Variants in FAM20C observed in about 807,000 individuals in gnomAD.
FAM20C encodes extracellular serine/threonine protein kinase FAM20C.
A neutral mutation model predicts 51.5 loss-of-function variants in FAM20C; 40 were observed. The ratio of observed to expected loss-of-function variants is 0.78; its 90% CI spans 0.60 to 1.01. FAM20C has a LOEUF of 1.01. FAM20C is among the 50% of genes least tolerant of loss of function. The pLI is 0.00. For synonymous variants in FAM20C, 406 were observed against 380.6 expected (o/e 1.07, Z -0.78); for missense variants, 861 against 844.7 (o/e 1.02, Z -0.24).
At chr7:247,363 GC>G (rs1788209510) in intron 4 of FAM20C, among the ~76,000 whole-genome samples, 1 of 152,120 alleles carries the variant, frequency 6.6e-6, no homozygotes, top group African/African-American at 2.4e-5. Context: ...GGGAGGAGGC[GC>G]CACCCTCAGC....
intron 9 of FAM20C, among the ~76,000 whole-genome samples, chr7:259,071 C>T (rs1039895394): frequency 1.3e-5 from 2 of 152,240 alleles, no homozygotes; most frequent in Non-Finnish European, 2.9e-5. Flanking sequence ...GGGGTTCAGA[C>T]CCCCTTTCCC....
At chr7:202,777 G>C (rs1195005823) in intron 2 of FAM20C, among the ~76,000 whole-genome samples, 2 of 151,590 alleles carry the variant, frequency 1.3e-5, no homozygotes, top group African/African-American at 2.4e-5. Context: ...TGCATAGAGA[G>C]AATGGGTGGC....
At chr7:246,354 C>T in intron 3 of FAM20C, 61 bp from the exon 4 acceptor site, 1 of 1,409,012 alleles carries the variant, frequency 7.1e-7, no homozygotes, top group South Asian at 1.2e-5. Flanking sequence ...TCCCGCCTGC[C>T]TCCGGCCCCT....
At chr7:232,625 C>G (rs1223750584) in intron 3 of FAM20C, among the ~76,000 whole-genome samples, 1 of 152,240 alleles carries the variant, frequency 6.6e-6, no homozygotes, top group East Asian at 1.9e-4. Flanking sequence ...CAAACGTTTT[C>G]TATTTTCCCA....
At position 193,354 on chromosome 7, in the gene FAM20C, C is replaced by T. The variant is rs1785666958; in HGVS notation, c.155C>T (p.Ala52Val). 7.9e-7 allele frequency: 1 copy of T among 1,269,692 alleles called. No individual in the cohort carries two copies. Among genetic ancestry groups the T allele is most frequent in the Non-Finnish European group, 9.9e-7 (1 of 1,008,896 alleles). The allele number at this position is 1,269,692 out of a possible 1,614,324, so 78.7% of individuals were successfully genotyped here. A position where few individuals can be genotyped will look rare whatever the true frequency, so the allele number is the denominator to read the frequency against. ...CCCGGCTGTTCGTGCGCGCAGCCCG[C>T]CGCCGAGGTGGCCGCGCCCGGCTGG... Reference protein sequence around the residue: ...GEPGCSCAQPAAEVAAPGWAQ... With the variant: ...GEPGCSCAQPVAEVAAPGWAQ... The change falls in exon 1 of 10, where the codon GCC becomes GTC. Residue 52 changes from alanine to valine, a missense_variant. Transcript: ENST00000313766.
chr7:206,459 T>C (rs1272796213), intron 2 of FAM20C, among the ~76,000 whole-genome samples: 1 of 152,232 alleles, frequency 6.6e-6, no homozygotes, highest in Admixed American at 6.5e-5. Flanking sequence ...TCCCGTGCAC[T>C]GTGATGCGTT....
intron 3 of FAM20C, among the ~76,000 whole-genome samples, chr7:216,678 TGTGA>T (rs1214466993): frequency 2.9e-4 from 32 of 110,348 alleles, no homozygotes; most frequent in East Asian, 7.2e-4. Context: ...ACAGAGTGTG[TGTGA>T]GAGTGTGTGT....
At chr7:257,476 C>G (rs955722543) in intron 8 of FAM20C, 1 of 210,754 alleles carries the variant, frequency 4.7e-6, no homozygotes, top group East Asian at 1.3e-4. Flanking sequence ...TGGCCTGCCA[C>G]GGGGGGTCTT....
chr7:219,520 C>T (rs1287781797), intron 3 of FAM20C, among the ~76,000 whole-genome samples: 2 of 152,100 alleles, frequency 1.3e-5, no homozygotes, highest in East Asian at 1.9e-4. Context: ...GGCTTGGCTT[C>T]GAATCCGGTA....
At chr7:253,914 C>T (rs955636464) in intron 5 of FAM20C, among the ~76,000 whole-genome samples, 3 of 152,244 alleles carry the variant, frequency 2.0e-5, no homozygotes, top group Admixed American at 6.5e-5. Flanking sequence ...AGATTTTCCT[C>T]CTGAAATGGA....
intron 3 of FAM20C, among the ~76,000 whole-genome samples, chr7:230,297 T>C (rs989330230): frequency 5.0e-5 from 7 of 139,910 alleles, no homozygotes; most frequent in African/African-American, 1.6e-4. Context: ...GCAAGAAGGA[T>C]CCTCCCTAGA....
chr7:193,826 C>T (rs764540903), intron 1 of FAM20C, 22 bp downstream of exon 1: 1 of 1,549,400 alleles, frequency 6.5e-7, no homozygotes, highest in South Asian at 1.2e-5. Context: ...CTGGCAGGTG[C>T]CCACCCCCAA....
At chr7:199,135 G>T (rs1324015672) in intron 2 of FAM20C, among the ~76,000 whole-genome samples, 2 of 152,240 alleles carry the variant, frequency 1.3e-5, no homozygotes, top group Non-Finnish European at 2.9e-5. Flanking sequence ...TGACCTGCTT[G>T]CTGACCCCGC....
In FAM20C at chr7:246,437, C is replaced by A; in HGVS notation, c.886C>A (p.Pro296Thr). The A allele has an allele frequency of 6.8e-7, 1 of 1,468,974 alleles. No homozygotes were observed. 91.0% of individuals were successfully genotyped at this position (1,468,974 alleles called of 1,614,324 possible). ...CAGACAAACGAGGGAGCAGGAGACACCCCCTGACTTTTTTTATTTCTCTGA... is the reference window on the plus strand; with the variant it reads ...CAGACAAACGAGGGAGCAGGAGACAACCCCTGACTTTTTTTATTTCTCTGA... ...PMKQTREQET[P>T]PDFFYFSDYE... The change falls in exon 4 of 10, where the codon CCC becomes ACC. Residue 296 changes from proline (P) to threonine (T), a missense_variant. By Grantham distance (38) the Pro-to-Thr change is conservative. Coordinates refer to ENST00000313766, the MANE Select transcript of FAM20C (RefSeq NM_020223.4).
At chr7:207,256 G>A (rs34048751) in intron 2 of FAM20C, among the ~76,000 whole-genome samples, 18 of 32,208 alleles carry the variant, frequency 5.6e-4, no homozygotes, top group East Asian at 4.1e-3. Flanking sequence ...CCGCACACGT[G>A]TCCACTGTGA....
chr7:208,640 G>A (rs561216347), intron 2 of FAM20C, among the ~76,000 whole-genome samples: 28 of 151,854 alleles, frequency 1.8e-4, no homozygotes, highest in African/African-American at 5.1e-4. Flanking sequence ...ACACCTGGCC[G>A]TCCCTTCTAG....
Position 205,034 on chromosome 7 carries a change from G to A in FAM20C, c.785-3864G>A, listed in dbSNP as rs150123584. 5.9e-5 allele frequency among the ~76,000 whole-genome samples: 9 copies of A among 152,374 alleles called. No individual in the cohort carries two copies. The East Asian group carries it at 1.2e-3, about 20-fold the overall frequency. On this transcript the variant is annotated intron_variant, in intron 2 of 9. Coordinates refer to ENST00000313766, the MANE Select transcript of FAM20C (RefSeq NM_020223.4). The stretch of plus-strand genomic sequence containing the variant: ...TCCTAAGGGTGGTCCTGGATGAGGC[G>A]TGTCACCCCCATTCTGCAGGAGCAG...
At chr7:251,400 T>A (rs979369690) in intron 5 of FAM20C, among the ~76,000 whole-genome samples, 1 of 152,002 alleles carries the variant, frequency 6.6e-6, no homozygotes, top group African/African-American at 2.4e-5. Flanking sequence ...CATCTGTGAT[T>A]CCAGCAACTC....
intron 3 of FAM20C, among the ~76,000 whole-genome samples, chr7:226,086 G>A (rs1017066587): frequency 1.3e-5 from 2 of 152,196 alleles, no homozygotes; most frequent in African/African-American, 4.8e-5. Flanking sequence ...GATCTTGGGG[G>A]TCAGACACCA....
Sources: allele counts gnomAD v4.1 joint callset (sites outside exome capture counted in the v4.1 genomes callset), GRCh38; gene constraint gnomAD v4.1.1; transcripts MANE v1.5; gene names NCBI Gene and HGNC (gene_info 2026-07-23, HGNC 2026-07-21).